The following TRPV1 variants were observed in gnomAD, a reference collection of about 807,000 sequenced individuals.
TRPV1 encodes OTRPC1.
In TRPV1, 82 loss-of-function variants were observed where a neutral mutation model predicts 82.3. That is an observed-to-expected ratio of 1.00 (90% confidence interval 0.83 to 1.20). The LOEUF (loss-of-function observed/expected upper bound fraction) is 1.20. TRPV1 is among the 50% of genes most tolerant of loss of function. TRPV1 has a pLI of 0.00. For missense variants in TRPV1, 1,067 were observed against 1,096.8 expected, an observed-to-expected ratio of 0.97 and a Z score of 0.38; for synonymous variants, 515 against 467.7, an observed-to-expected ratio of 1.10 and a Z score of -1.30.
At position 3,591,520 on chromosome 17, in the gene TRPV1, A is replaced by G. The variant is rs74609025; in HGVS notation, c.285-167T>C. On this transcript the variant is annotated intron_variant, in intron 3 of 16. Coordinates refer to ENST00000572705, the MANE Select transcript of TRPV1 (RefSeq NM_080704.4). ...GGTGACTGTCCAGAAAAGCAATGTAACAGGGACAGTGGAGGGCATGTGTCC... is the reference window on the plus strand; with the variant it reads ...GGTGACTGTCCAGAAAAGCAATGTAGCAGGGACAGTGGAGGGCATGTGTCC... Among the ~76,000 whole-genome samples, 142 of 152,290 alleles carry G rather than the reference A, an allele frequency of 9.3e-4. 4 individuals are homozygous for G. The East Asian group carries it at 0.024, about 26-fold the overall frequency.
Position 3,573,811 on chromosome 17 carries a change from GTGAACT to G in TRPV1, c.1919_1924del (p.Lys640_Phe641del). 6.2e-7 allele frequency: 1 copy of G among 1,613,838 alleles called. No individual in the cohort carries two copies. Among genetic ancestry groups the G allele is most frequent in the Non-Finnish European group, 8.5e-7 (1 of 1,179,852 alleles). ...GAACTCCAGGTCGCCCATGCCGATG[GTGAACT>G]TGAACAGCTCCAGGCAGGTGGAGTA... On this transcript the variant is annotated inframe_deletion, in exon 14 of 17. Coordinates refer to ENST00000572705, the MANE Select transcript of TRPV1 (RefSeq NM_080704.4).
chr17:3,592,336 G>C lies in TRPV1; in HGVS notation c.15C>G (p.Ser5Arg). ...CCGCAGCTGCCCCCAAGTCTGTGCT[G>C]CTCCATTTCTTCATCCTTGCTGGAT... is the stretch of plus-strand genomic sequence containing the variant. MKKW[S>R]STDLGAAADP... Residue 5 changes from serine to arginine, a missense_variant, in exon 3 of 17, where the codon AGC becomes AGG. Transcript: ENST00000572705. The C allele has an allele frequency of 6.3e-7, 1 of 1,594,310 alleles. No homozygotes were observed. Among genetic ancestry groups the C allele is most frequent in the Non-Finnish European group, 8.5e-7 (1 of 1,170,126 alleles).
At chr17:3,584,321 T>G (rs1305973304) in intron 9 of TRPV1, among the ~76,000 whole-genome samples, 6 of 140,278 alleles carry the variant, frequency 4.3e-5, no homozygotes, top group Non-Finnish European at 9.1e-5. Context: ...GAGAATGGCG[T>G]GAACCCAGGA....
At chr17:3,580,843 C>T (rs1422213297) in intron 10 of TRPV1, among the ~76,000 whole-genome samples, 1 of 152,086 alleles carries the variant, frequency 6.6e-6, no homozygotes, top group African/African-American at 2.4e-5. Context: ...ATGGTGAAAT[C>T]CCGTCTCTAC....
chr17:3,605,864 G>C (rs17634022), intron 2 of TRPV1, among the ~76,000 whole-genome samples: 25,698 of 152,170 alleles, frequency 0.17, 2,658 homozygotes, highest in Non-Finnish European at 0.23. Context: ...GGGTGCATGG[G>C]AGACGTCCCA....
chr17:3,568,789 C>T (rs1349601398), intron 16 of TRPV1, among the ~76,000 whole-genome samples: 1 of 152,094 alleles, frequency 6.6e-6, no homozygotes, highest in African/African-American at 2.4e-5. Context: ...CACCTGTCAT[C>T]CCAACACTTT....
chr17:3,576,360 AT>A (rs1436963019), intron 13 of TRPV1, among the ~76,000 whole-genome samples: 1 of 152,048 alleles, frequency 6.6e-6, no homozygotes, highest in East Asian at 1.9e-4. Context: ...TCTATTAAAA[AT>A]ATAACAACTA....
intron 2 of TRPV1, among the ~76,000 whole-genome samples, chr17:3,595,347 G>C (rs539107124): frequency 6.6e-6 from 1 of 152,234 alleles, no homozygotes; most frequent in African/African-American, 2.4e-5. Context: ...CAGGCAGGCT[G>C]GCTCCAGAGC....
At position 3,580,634 on chromosome 17, in the gene TRPV1, T is replaced by C. The variant is rs1312674526; in HGVS notation, c.1477-107A>G. ...CACCATGATGGGGTGGTCGAATGTGTGAAAGCACAGATTGTGAAAAGAGCA... is the reference window on the plus strand; with the variant it reads ...CACCATGATGGGGTGGTCGAATGTGCGAAAGCACAGATTGTGAAAAGAGCA... On this transcript the variant is annotated intron_variant, in intron 10 of 16. Coordinates refer to ENST00000572705, the MANE Select transcript of TRPV1 (RefSeq NM_080704.4). 5 of 1,165,230 alleles carry C rather than the reference T, an allele frequency of 4.3e-6. No individual in the cohort carries two copies. In the East Asian group the frequency reaches 9.4e-5, roughly 22 times the overall value. The allele number at this position is 1,165,230 out of a possible 1,614,324, so 72.2% of individuals were successfully genotyped here.
intron 8 of TRPV1, among the ~76,000 whole-genome samples, chr17:3,587,662 C>CA (rs1203992086): frequency 1.3e-5 from 2 of 151,918 alleles, no homozygotes; most frequent in African/African-American, 2.4e-5. Context: ...CTATTAAATA[C>CA]AAAAAATTAG....
At chr17:3,604,116 T>G (rs1346966454) in intron 2 of TRPV1, among the ~76,000 whole-genome samples, 1 of 152,240 alleles carries the variant, frequency 6.6e-6, no homozygotes, top group Non-Finnish European at 1.5e-5. Flanking sequence ...AGATGGCGTA[T>G]GTGTCACCAG....
At chr17:3,580,879 C>T (rs2075000100) in intron 10 of TRPV1, among the ~76,000 whole-genome samples, 3 of 152,164 alleles carry the variant, frequency 2.0e-5, no homozygotes, top group South Asian at 2.1e-4. Flanking sequence ...ATTAGCTGCG[C>T]GTGGTGGCGG....
At chr17:3,600,179 C>T (rs1367549034) in intron 2 of TRPV1, among the ~76,000 whole-genome samples, 1 of 152,190 alleles carries the variant, frequency 6.6e-6, no homozygotes, top group African/African-American at 2.4e-5. Context: ...TTCTAGTCCT[C>T]TGGGATCATT....
intron 5 of TRPV1, among the ~76,000 whole-genome samples, chr17:3,590,641 G>T (rs547348987): frequency 6.6e-6 from 1 of 152,170 alleles, no homozygotes; most frequent in African/African-American, 2.4e-5. Context: ...AAATTGCCCC[G>T]GGGGCAAGGA....
intron 13 of TRPV1, among the ~76,000 whole-genome samples, chr17:3,576,608 C>T (rs1357872076): frequency 7.0e-6 from 1 of 143,546 alleles, no homozygotes; most frequent in Non-Finnish European, 1.5e-5. Flanking sequence ...GCCGAGATCG[C>T]GCCACTGCAC....
At position 3,573,845 on chromosome 17, in the gene TRPV1, G is replaced by A. The variant is rs985163958; in HGVS notation, c.1891C>T (p.Leu631=). The A allele has an allele frequency of 1.2e-6, 2 of 1,613,736 alleles. No homozygotes were observed. Among genetic ancestry groups the A allele is most frequent in the Non-Finnish European group, 1.7e-6 (2 of 1,179,868 alleles). ...CRPPDSSYNS[L]YSTCLELFKF... is the part of the protein sequence containing the mutation. ...AACAGCTCCAGGCAGGTGGAGTACAGGCTGTTGTAGGAGCTATCGGGGGGC... is the reference window on the plus strand; with the variant it reads ...AACAGCTCCAGGCAGGTGGAGTACAAGCTGTTGTAGGAGCTATCGGGGGGC... Residue 631 remains leucine, a synonymous_variant, in exon 14 of 17, where the codon CTG becomes TTG. Coordinates refer to ENST00000572705, the MANE Select transcript of TRPV1 (RefSeq NM_080704.4).
intron 2 of TRPV1, among the ~76,000 whole-genome samples, chr17:3,603,011 C>T (rs1315567101): frequency 6.6e-6 from 1 of 152,048 alleles, no homozygotes; most frequent in African/African-American, 2.4e-5. Flanking sequence ...ATCCCAGCTA[C>T]TCGGGAGGCT....
intron 13 of TRPV1, 79 bp from the exon 14 acceptor site, chr17:3,574,034 A>C (rs1438608824): frequency 8.1e-7 from 1 of 1,233,740 alleles, no homozygotes; most frequent in Non-Finnish European, 1.1e-6. Flanking sequence ...CCTCCTGCTC[A>C]GTCAGTCTCA....
rs534047036 is a variant in TRPV1 at position 3,581,956 on chromosome 17, C to G, written c.1476+1382G>C. On this transcript the variant is annotated intron_variant, in intron 10 of 16. Coordinates refer to ENST00000572705, the MANE Select transcript of TRPV1 (RefSeq NM_080704.4). The stretch of plus-strand genomic sequence containing the variant: ...CTGTAATCCCAGCACTTTGGGAGGC[C>G]AAGGTGGGCGGATCACGAGGTCAGG... Among the ~76,000 whole-genome samples, 94 of 146,724 alleles carry G rather than the reference C, an allele frequency of 6.4e-4. 1 individual carries two copies. The highest frequency in any genetic ancestry group is 1.2e-3 in the Non-Finnish European group (81 of 66,994).
Sources: allele counts gnomAD v4.1 joint callset (sites outside exome capture counted in the v4.1 genomes callset), GRCh38; gene constraint gnomAD v4.1.1; transcripts MANE v1.5; gene names NCBI Gene and HGNC (gene_info 2026-07-23, HGNC 2026-07-21).